ARL15: variants seen among roughly 807,000 people sequenced by gnomAD.
ARL15 encodes ARF like GTPase 15.
Under a neutral mutation model 25.2 loss-of-function variants are expected in ARL15, and 19 were observed. The ratio of observed to expected loss-of-function variants is 0.75; its 90% confidence interval spans 0.53 to 1.10. ARL15 has a LOEUF of 1.10. ARL15 is among the 50% of genes least tolerant of loss of function. The pLI, the probability that ARL15 is intolerant of heterozygous loss-of-function variation, is 0.00. For synonymous variants in ARL15, 94 were observed against 86.8 expected (o/e 1.08, Z -0.46); for missense variants, 220 against 246.0 (o/e 0.89, Z 0.71).
intron 4 of ARL15, among the ~76,000 whole-genome samples, chr5:54,081,419 G>A (rs1238185148): frequency 2.6e-5 from 4 of 152,138 alleles, no homozygotes; most frequent in Non-Finnish European, 5.9e-5. Context: ...CTGAATTTAT[G>A]TTCTGAAGAT....
chr5:54,301,967 C>T (rs1450102019), intron 1 of ARL15, among the ~76,000 whole-genome samples: 1 of 152,230 alleles, frequency 6.6e-6, no homozygotes, highest in East Asian at 1.9e-4. Flanking sequence ...CTATCAAAAT[C>T]ATGTAGGAGT....
intron 1 of ARL15, among the ~76,000 whole-genome samples, chr5:54,247,302 T>G (rs1278119731): frequency 6.6e-6 from 1 of 152,012 alleles, no homozygotes; most frequent in African/African-American, 2.4e-5. Flanking sequence ...GAATTAAGAT[T>G]GAATAGTTAT....
chr5:54,197,566 A>G (rs1287790357), intron 1 of ARL15, among the ~76,000 whole-genome samples: 1 of 152,210 alleles, frequency 6.6e-6, no homozygotes, highest in Non-Finnish European at 1.5e-5. Context: ...AAGTCCAAAC[A>G]ACAGCTCATT....
chr5:54,088,788 C>T (rs1321170156), intron 4 of ARL15, among the ~76,000 whole-genome samples: 3 of 152,142 alleles, frequency 2.0e-5, no homozygotes, highest in Non-Finnish European at 4.4e-5. Flanking sequence ...AAGTAGCTCT[C>T]TTTTCTAATT....
At chr5:54,063,217 C>T (rs1322593336) in intron 4 of ARL15, among the ~76,000 whole-genome samples, 1 of 152,238 alleles carries the variant, frequency 6.6e-6, no homozygotes, top group African/African-American at 2.4e-5. Context: ...GTACAACTGG[C>T]TTATGCCTTG....
intron 4 of ARL15, among the ~76,000 whole-genome samples, chr5:54,012,351 T>A (rs1411936308): frequency 1.3e-5 from 2 of 152,122 alleles, no homozygotes; most frequent in Admixed American, 1.3e-4. Context: ...CTTGTATGCA[T>A]CCCATGAAGT....
At chr5:54,014,103 G>A (rs551193743) in intron 4 of ARL15, among the ~76,000 whole-genome samples, 11 of 152,286 alleles carry the variant, frequency 7.2e-5, no homozygotes, top group Admixed American at 6.5e-4. Context: ...CATGCTTAAA[G>A]TTAATGGTTA....
chr5:54,243,878 G>A (rs1244484705), intron 1 of ARL15, among the ~76,000 whole-genome samples: 1 of 152,124 alleles, frequency 6.6e-6, no homozygotes, highest in Non-Finnish European at 1.5e-5. Flanking sequence ...AGTGACTGTT[G>A]CCACCTTGTC....
intron 4 of ARL15, among the ~76,000 whole-genome samples, chr5:53,922,260 C>T (rs935782223): frequency 1.3e-5 from 2 of 152,222 alleles, no homozygotes; most frequent in Non-Finnish European, 2.9e-5. Flanking sequence ...TTAACATTCA[C>T]TGTTCCCTTG....
chr5:54,008,425 C>A (rs1749119250), intron 4 of ARL15, among the ~76,000 whole-genome samples: 1 of 152,104 alleles, frequency 6.6e-6, no homozygotes, highest in Non-Finnish European at 1.5e-5. Flanking sequence ...TTATGTTATC[C>A]AAAATTTTAA....
At chr5:54,034,744 A>T (rs992573523) in intron 4 of ARL15, among the ~76,000 whole-genome samples, 2 of 152,062 alleles carry the variant, frequency 1.3e-5, no homozygotes, top group African/African-American at 4.8e-5. Flanking sequence ...CTATAACCTC[A>T]ACCTCCTGGG....
At chr5:54,000,776 G>C (rs62372423) in intron 4 of ARL15, among the ~76,000 whole-genome samples, 2 of 152,036 alleles carry the variant, frequency 1.3e-5, no homozygotes, top group East Asian at 3.9e-4. Context: ...ATTTTGATCT[G>C]TACAAACTTG....
intron 4 of ARL15, among the ~76,000 whole-genome samples, chr5:53,955,915 G>C (rs552118749): frequency 9.2e-4 from 140 of 152,136 alleles, no homozygotes; most frequent in Non-Finnish European, 1.7e-3. Flanking sequence ...AAACCCTGCA[G>C]CTGCCTAGGA....
At chr5:53,982,338 C>A (rs1363492090) in intron 4 of ARL15, among the ~76,000 whole-genome samples, 1 of 141,966 alleles carries the variant, frequency 7.0e-6, no homozygotes, top group Non-Finnish European at 1.5e-5. Flanking sequence ...CTCCCCTACC[C>A]CCCCACCCCC....
chr5:53,918,830 T>A (rs1176770140), intron 4 of ARL15, among the ~76,000 whole-genome samples: 1 of 148,978 alleles, frequency 6.7e-6, no homozygotes. Flanking sequence ...AAGTTGACAG[T>A]AAAAAAAAAA....
chr5:53,988,853 A>C (rs964272643), intron 4 of ARL15, among the ~76,000 whole-genome samples: 31 of 152,162 alleles, frequency 2.0e-4, no homozygotes, highest in African/African-American at 6.8e-4. Flanking sequence ...AACTTTGGGG[A>C]GGAGTGGTGA....
chr5:54,179,615 G>A lies in ARL15; in HGVS notation c.49-7687C>T, dbSNP rs544769406. 2.6e-5 allele frequency among the ~76,000 whole-genome samples: 4 copies of A among 152,194 alleles called. 1 individual carries two copies. The South Asian group carries it at 8.3e-4, about 32-fold the overall frequency. ...GGAGGAGGAGGAGAGGAGATTGACT[G>A]GGATGGAAGAAAAGGGGATACCAAA... On this transcript the variant is annotated intron_variant, in intron 1 of 4. Coordinates refer to ENST00000504924, the MANE Select transcript of ARL15 (RefSeq NM_019087.3).
intron 1 of ARL15, among the ~76,000 whole-genome samples, chr5:54,198,383 A>T (rs1222004869): frequency 9.2e-5 from 14 of 152,208 alleles, no homozygotes; most frequent in Admixed American, 5.9e-4. Context: ...ACACAATTGG[A>T]TATCTAGAAA....
chr5:53,970,274 T>A (rs1193332794), intron 4 of ARL15, among the ~76,000 whole-genome samples: 1 of 152,210 alleles, frequency 6.6e-6, no homozygotes, highest in African/African-American at 2.4e-5. Context: ...CAATAATTAT[T>A]TTTTGAATGG....
Sources: gnomAD v4.1 joint callset for allele counts (sites outside exome capture counted in the v4.1 genomes callset) on GRCh38, gnomAD v4.1.1 for gene constraint, MANE v1.5 for transcripts, NCBI Gene and HGNC (gene_info 2026-07-23, HGNC 2026-07-21) for gene names.